ADGRL2: variants seen among roughly 807,000 people sequenced by gnomAD.
ADGRL2 encodes adhesion G protein-coupled receptor L2.
Under a neutral mutation model 157.4 loss-of-function variants are expected in ADGRL2, and 44 were observed. That is an observed-to-expected ratio of 0.28 (90% CI 0.22 to 0.36). ADGRL2 has a LOEUF of 0.36. ADGRL2 is among the 10% of genes least tolerant of loss of function. The pLI is 1.00. For synonymous variants in ADGRL2, 585 were observed against 624.7 expected, an observed-to-expected ratio of 0.94 and a Z score of 0.95; for missense variants, 1,510 against 1,768.9, an observed-to-expected ratio of 0.85 and a Z score of 2.63.
intron 1 of ADGRL2, among the ~76,000 whole-genome samples, chr1:81,387,609 A>G (rs58208006): frequency 3.1e-4 from 47 of 152,254 alleles, no homozygotes; most frequent in African/African-American, 1.1e-3. Context: ...AAGGGAGTTT[A>G]CCCTCGAAGC....
At chr1:81,517,108 T>C (rs887630915) in intron 2 of ADGRL2, among the ~76,000 whole-genome samples, 13 of 152,112 alleles carry the variant, frequency 8.5e-5, no homozygotes, top group Non-Finnish European at 1.9e-4. Context: ...CTTAAACTAA[T>C]AATTCTTATT....
At chr1:81,774,616 C>T (rs1427404550) in intron 2 of ADGRL2, among the ~76,000 whole-genome samples, 1 of 151,998 alleles carries the variant, frequency 6.6e-6, no homozygotes, top group East Asian at 1.9e-4. Context: ...TTATTTTTGC[C>T]CATCTTTTTA....
chr1:81,890,538 A>C (rs2094233889), intron 2 of ADGRL2, among the ~76,000 whole-genome samples: 1 of 152,106 alleles, frequency 6.6e-6, no homozygotes, highest in Non-Finnish European at 1.5e-5. Context: ...GGTCGGGGAG[A>C]ATTTGGAACA....
At chr1:81,421,064 C>T (rs2077115683) in intron 1 of ADGRL2, among the ~76,000 whole-genome samples, 2 of 152,148 alleles carry the variant, frequency 1.3e-5, no homozygotes, top group African/African-American at 4.8e-5. Context: ...AGTAAATGAT[C>T]ATCAGCAAAT....
rs1462748377 is a variant in ADGRL2 at position 81,678,482 on chromosome 1, T to G, written c.-142-83329T>G. The stretch of plus-strand genomic sequence containing the variant: ...CACTTATGTTGATATTACAAGCAAC[T>G]GTATCTTTGGCCTAAATTTTGAAGT... On this transcript the variant is annotated intron_variant, in intron 3 of 24. Transcript: ENST00000370721. Among the ~76,000 whole-genome samples the G allele has an allele frequency of 5.3e-5, 8 of 152,230 alleles. No individual in the cohort carries two copies. The South Asian group carries it at 1.0e-3, about 20-fold the overall frequency.
intron 1 of ADGRL2, among the ~76,000 whole-genome samples, chr1:81,725,625 C>T (rs930513086): frequency 3.9e-5 from 6 of 152,104 alleles, no homozygotes; most frequent in African/African-American, 1.4e-4. Flanking sequence ...CTCAAAATTG[C>T]CAACGTGTAC....
intron 2 of ADGRL2, among the ~76,000 whole-genome samples, chr1:81,497,492 TA>T (rs2078755845): frequency 6.6e-6 from 1 of 152,218 alleles, no homozygotes; most frequent in Non-Finnish European, 1.5e-5. Flanking sequence ...GAAATAAGTC[TA>T]ATCTTATAGA....
At chr1:81,648,258 A>G (rs750671112) in intron 3 of ADGRL2, among the ~76,000 whole-genome samples, 47 of 152,322 alleles carry the variant, frequency 3.1e-4, no homozygotes, top group Admixed American at 6.5e-4. Flanking sequence ...ATGCCAACAC[A>G]GAGGATTAGA....
chr1:81,531,751 G>A (rs747828290), intron 2 of ADGRL2, among the ~76,000 whole-genome samples: 6 of 152,194 alleles, frequency 3.9e-5, no homozygotes, highest in Non-Finnish European at 5.9e-5. Context: ...GTTAGGGCTA[G>A]GATCGTGTCT....
At chr1:81,540,302 G>GA (rs1271477298) in intron 2 of ADGRL2, among the ~76,000 whole-genome samples, 2 of 151,990 alleles carry the variant, frequency 1.3e-5, no homozygotes, top group Admixed American at 6.6e-5. Flanking sequence ...GAATTTAATG[G>GA]AAAAAAAATT....
intron 2 of ADGRL2, among the ~76,000 whole-genome samples, chr1:81,504,182 C>A (rs1247978216): frequency 6.6e-6 from 1 of 152,190 alleles, no homozygotes; most frequent in Non-Finnish European, 1.5e-5. Context: ...TTCACACGGA[C>A]CATTCTCTGG....
intron 3 of ADGRL2, among the ~76,000 whole-genome samples, chr1:81,615,406 G>T (rs1012503163): frequency 2.0e-5 from 3 of 152,204 alleles, no homozygotes; most frequent in African/African-American, 7.2e-5. Context: ...AAATCTTGCT[G>T]CTGCTCACTC....
chr1:81,656,266 C>T (rs1223415418), intron 3 of ADGRL2, among the ~76,000 whole-genome samples: 1 of 152,164 alleles, frequency 6.6e-6, no homozygotes, highest in African/African-American at 2.4e-5. Flanking sequence ...AACCTCTCAA[C>T]AGTCCTGTGT....
chr1:81,609,954 A>G (rs920036739), intron 3 of ADGRL2, among the ~76,000 whole-genome samples: 6 of 152,226 alleles, frequency 3.9e-5, no homozygotes, highest in South Asian at 2.1e-4. Flanking sequence ...GACATTCGCT[A>G]TGCTAATTAG....
intron 2 of ADGRL2, among the ~76,000 whole-genome samples, chr1:81,505,496 G>A (rs1443639929): frequency 4.6e-5 from 7 of 150,672 alleles, no homozygotes; most frequent in East Asian, 2.0e-4. Context: ...TGGCCACACC[G>A]TTGGAGTGAA....
intron 2 of ADGRL2, among the ~76,000 whole-genome samples, chr1:81,508,543 C>T (rs1181841908): frequency 6.6e-6 from 1 of 152,188 alleles, no homozygotes; most frequent in Non-Finnish European, 1.5e-5. Flanking sequence ...TGCTCCCTTG[C>T]ATGCCCTATT....
intron 1 of ADGRL2, among the ~76,000 whole-genome samples, chr1:81,397,937 T>C (rs1407567737): frequency 6.6e-6 from 1 of 152,188 alleles, no homozygotes; most frequent in African/African-American, 2.4e-5. Context: ...ACTATTATTG[T>C]ACTCTAATCT....
chr1:81,860,595 T>C (rs1229465943), intron 2 of ADGRL2, among the ~76,000 whole-genome samples: 2 of 152,208 alleles, frequency 1.3e-5, no homozygotes. Flanking sequence ...AAATACCCCA[T>C]GGTAACATGA....
chr1:81,503,316 T>C, intron 2 of ADGRL2: 1 of 1,614,174 alleles, frequency 6.2e-7, no homozygotes, highest in South Asian at 1.1e-5. Flanking sequence ...GTGTGCTGTT[T>C]GCCCAGAAGC....
Sources: gnomAD v4.1 joint callset for allele counts (sites outside exome capture counted in the v4.1 genomes callset) on GRCh38, gnomAD v4.1.1 for gene constraint, MANE v1.5 for transcripts, NCBI Gene and HGNC (gene_info 2026-07-23, HGNC 2026-07-21) for gene names.